Variants in MYO15A observed in about 807,000 individuals in gnomAD.
MYO15A encodes the protein myosin XVA, also known as unconventional myosin-XV.
Under a neutral mutation model 394.6 loss-of-function variants are expected in MYO15A, and 308 were observed. The observed-to-expected ratio is 0.78, with a 90% CI of 0.71 to 0.86. MYO15A has a LOEUF of 0.86. Ranked by LOEUF, MYO15A falls within the 40% of genes least tolerant of loss-of-function variation. MYO15A has a pLI of 0.00. For synonymous variants in MYO15A, 1,957 were observed against 2,003.8 expected (o/e 0.98, Z 0.62); for missense variants, 4,606 against 4,799.1 (o/e 0.96, Z 1.19).
chr17:18,121,368 C>G lies in MYO15A; in HGVS notation c.2568C>G (p.Ser856Arg), dbSNP rs926789052. ...CGCCGCCCCTGGGGCTCTGCCACAGCCCGCGGCGCAGCTCCCTGAATCTGC... is the reference window on the plus strand; with the variant it reads ...CGCCGCCCCTGGGGCTCTGCCACAGGCCGCGGCGCAGCTCCCTGAATCTGC... ...PPSPPLGLCH[S>R]PRRSSLNLPS... Residue 856 changes from serine to arginine, a missense_variant, in exon 2 of 66, where the codon AGC (serine) becomes AGG (arginine). Ser to Arg is a moderately radical substitution (Grantham distance 110). Around this residue, in one of 2 missense-constraint regions of MYO15A, gnomAD observed 1,830 missense variants for 1,689.7 expected, o/e 1.08. Coordinates refer to ENST00000647165, the MANE Select transcript of MYO15A (RefSeq NM_016239.4). The surrounding 1 kb of genome is among the most constrained non-coding windows in gnomAD (Gnocchi z 5.3). The G allele has an allele frequency of 4.0e-6, 6 of 1,499,044 alleles. No homozygotes were observed. In the African/African-American group the frequency reaches 8.6e-5, roughly 22 times the overall value. The allele number at this position is 1,499,044 out of a possible 1,614,324, so 92.9% of individuals were successfully genotyped here. A position where few individuals can be genotyped will look rare whatever the true frequency, so the allele number is the denominator to read the frequency against.
In MYO15A at chr17:18,157,180, G is replaced by A. The variant is rs778013941; in HGVS notation, c.8738G>A (p.Arg2913His). 2.2e-5 allele frequency: 35 copies of A among 1,610,198 alleles called. No homozygotes were observed. The highest frequency in any genetic ancestry group is 4.0e-5 in the African/African-American group (3 of 74,824). ...RVGYSAGCVV[R>H]RKVVYLEELR... Reference sequence around the variant, plus strand: ...GGCTACAGTGCTGGCTGCGTGGTTCGCAGGAAGGTGGTGTACCTGGAGGAG... The same window carrying A: ...GGCTACAGTGCTGGCTGCGTGGTTCACAGGAAGGTGGTGTACCTGGAGGAG... Residue 2913 changes from arginine to histidine, a missense_variant, in exon 50 of 66, where the codon CGC becomes CAC. This residue lies in a region of MYO15A where 2,776 missense variants were observed against 3,109.3 expected (regional missense o/e 0.89). Transcript: ENST00000647165.
Position 18,149,508 on chromosome 17 carries a change from T to C in MYO15A, c.7140T>C (p.Pro2380=). The change falls in exon 35 of 66, where the codon CCT becomes CCC. Residue 2380 remains proline (P), a synonymous_variant. Transcript: ENST00000647165. ...CAGAGTCAGACAGTCTTGGAGAGCC[T>C]GCTGTGCCCCACAAGGGGCTGGACT... ...THQESDSLGE[P]AVPHKGLDCY... is the part of the protein sequence containing the mutation. The C allele has an allele frequency of 1.2e-6, 2 of 1,614,186 alleles. No homozygotes were observed. The highest frequency in any genetic ancestry group is 1.1e-5 in the South Asian group (1 of 91,086).
chr17:18,125,029 G>T, intron 3 of MYO15A, 139 bp from the exon 4 acceptor site: 2 of 815,346 alleles, frequency 2.5e-6, no homozygotes. Context: ...ATTTGTCCAA[G>T]GTCTCCTAGC....
intron 64 of MYO15A, among the ~76,000 whole-genome samples, chr17:18,173,276 T>G (rs376166056): frequency 1.3e-5 from 2 of 152,210 alleles, no homozygotes; most frequent in African/African-American, 4.8e-5. Flanking sequence ...TGGTCCAAGT[T>G]TGCTTCCTGG....
chr17:18,175,931 C>G (rs1484803495), intron 65 of MYO15A, among the ~76,000 whole-genome samples: 2 of 152,144 alleles, frequency 1.3e-5, no homozygotes, highest in Non-Finnish European at 2.9e-5. Context: ...AGCTTGTTCT[C>G]CCTGCCCTGG....
chr17:18,173,744 C>G (rs1209019450), intron 64 of MYO15A, 37 bp from the exon 65 acceptor site: 3 of 1,613,438 alleles, frequency 1.9e-6, no homozygotes, highest in Non-Finnish European at 2.5e-6. Flanking sequence ...CTATCCTCGC[C>G]CACAGGCCTG....
At chr17:18,140,388 A>G (rs1597790942) in intron 19 of MYO15A, 129 bp from the exon 20 acceptor site, 2 of 1,306,146 alleles carry the variant, frequency 1.5e-6, no homozygotes, top group East Asian at 4.6e-5. Flanking sequence ...GAGGCCTTGC[A>G]GAGAGAACAG....
At position 18,159,353 on chromosome 17, in the gene MYO15A, G is replaced by A. The variant is rs768097327; in HGVS notation, c.9229+6G>A. 3 of 1,614,064 alleles carry A rather than the reference G, an allele frequency of 1.9e-6. No homozygotes were observed. The Admixed American group carries it at 5.0e-5, about 27-fold the overall frequency. On this transcript the variant is annotated splice_donor_region_variant and intron_variant, in intron 54 of 65. Coordinates refer to ENST00000647165, the MANE Select transcript of MYO15A (RefSeq NM_016239.4). ...GGCCACCGACATGTTCCTAGGTGTGGGAGTGGGACTGCAGCCAGGGCTCTG... is the reference window on the plus strand; with the variant it reads ...GGCCACCGACATGTTCCTAGGTGTGAGAGTGGGACTGCAGCCAGGGCTCTG...
intron 65 of MYO15A, 22 bp from the exon 66 acceptor site, chr17:18,178,747 G>A (rs374055788): frequency 9.3e-6 from 15 of 1,610,190 alleles, no homozygotes; most frequent in Non-Finnish European, 1.1e-5. Context: ...GGATGGGCGT[G>A]GACTGTCACT....
At chr17:18,163,864 C>CTCA in intron 60 of MYO15A, 26 bp downstream of exon 60, 1 of 1,606,632 alleles carries the variant, frequency 6.2e-7, no homozygotes, top group Non-Finnish European at 8.5e-7. Context: ...ACTGAGCATG[C>CTCA]TGGGCCCATT....
In MYO15A at chr17:18,137,568, C is replaced by T; in HGVS notation, c.4780-16C>T. The T allele has an allele frequency of 6.2e-7, 1 of 1,612,264 alleles. No individual in the cohort carries two copies. Among genetic ancestry groups the T allele is most frequent in the Non-Finnish European group, 8.5e-7 (1 of 1,179,336 alleles). ...CCAAGGAAGGACCAGTCCCAGCACC[C>T]CCATCCACCTGGCAGGACCTGAGCT... On this transcript the variant is annotated splice_polypyrimidine_tract_variant and intron_variant, in intron 15 of 65. Transcript: ENST00000647165.
At chr17:18,160,343 T>C (rs2046757234) in intron 56 of MYO15A, among the ~76,000 whole-genome samples, 2 of 152,202 alleles carry the variant, frequency 1.3e-5, no homozygotes, top group South Asian at 4.1e-4. Context: ...TCAGTGAGTA[T>C]GTGGCCTCAG....
chr17:18,121,762 G>T lies in MYO15A; in HGVS notation c.2962G>T (p.Val988Phe), dbSNP rs1355667624. 2 of 1,608,192 alleles carry T rather than the reference G, an allele frequency of 1.2e-6. No individual in the cohort carries two copies. Among genetic ancestry groups the T allele is most frequent in the South Asian group, 2.2e-5 (2 of 90,772 alleles). The change falls in exon 2 of 66, where the codon GTC (valine) becomes TTC (phenylalanine). Residue 988 changes from valine to phenylalanine, a missense_variant. Physicochemically the swap from Val to Phe is conservative, Grantham distance 50. Around this residue, in one of 2 missense-constraint regions of MYO15A, gnomAD observed 1,830 missense variants for 1,689.7 expected, o/e 1.08. Transcript: ENST00000647165. The surrounding 1 kb of genome is among the most constrained non-coding windows in gnomAD (Gnocchi z 5.3). Reference protein sequence around the residue: ...PEDPAADMTRVFLGRHHEPGP... With the variant: ...PEDPAADMTRFFLGRHHEPGP... ...GGATCCAGCTGCTGATATGACCAGG[G>T]TCTTCCTGGGCAGACACCATGAGCC...
chr17:18,131,622 G>T (rs1037033949), intron 10 of MYO15A, 91 bp downstream of exon 10: 1 of 1,464,362 alleles, frequency 6.8e-7, no homozygotes, highest in Non-Finnish European at 9.5e-7. Context: ...GGGCTAGGTA[G>T]ACGTCAAATT....
At position 18,122,418 on chromosome 17, in the gene MYO15A, G is replaced by A; in HGVS notation, c.3609+9G>A. The stretch of plus-strand genomic sequence containing the variant: ...CAAGCTGGCGGAACAAGGTATGGAG[G>A]CACAGATTACACGGAGGGTTTGAGG... On this transcript the variant is annotated intron_variant, in intron 2 of 65. Coordinates refer to ENST00000647165, the MANE Select transcript of MYO15A (RefSeq NM_016239.4). 1.9e-6 allele frequency: 3 copies of A among 1,610,882 alleles called. No homozygotes were observed. The highest frequency in any genetic ancestry group is 2.5e-6 in the Non-Finnish European group (3 of 1,179,220).
intron 64 of MYO15A, chr17:18,172,727 G>A (rs1597825837): frequency 3.0e-6 from 1 of 328,150 alleles, no homozygotes; most frequent in Non-Finnish European, 5.9e-6. Context: ...TCCTCTGTGT[G>A]CGCACAACCC....
intron 60 of MYO15A, chr17:18,164,831 G>C (rs1221100118): frequency 7.3e-5 from 3 of 41,140 alleles, no homozygotes; most frequent in African/African-American, 4.5e-4. Flanking sequence ...GACTCTATCT[G>C]CAAAAAAAAA....
intron 7 of MYO15A, among the ~76,000 whole-genome samples, chr17:18,128,161 T>C (rs1248292536): frequency 1.3e-5 from 2 of 151,794 alleles, no homozygotes; most frequent in Non-Finnish European, 1.5e-5. Context: ...TGTCGGAGGG[T>C]GACCCCAGAC....
rs767816220 is a variant in MYO15A, at chr17:18,141,115, C to T, written c.5503C>T (p.Arg1835Cys). ...VRIRKEGFPV[R>C]LPFQGFIDRY... ...GATCCGCAAGGAGGGATTTCCAGTGCGCCTGCCTTTCCAGGGGTTCATCGA... is the reference window on the plus strand; with the variant it reads ...GATCCGCAAGGAGGGATTTCCAGTGTGCCTGCCTTTCCAGGGGTTCATCGA... The change falls in exon 22 of 66, where the codon CGC becomes TGC. Residue 1835 changes from arginine to cysteine, a missense_variant. Transcript: ENST00000647165. 1.1e-5 allele frequency: 17 copies of T among 1,613,934 alleles called. No homozygotes were observed. Among genetic ancestry groups the T allele is most frequent in the Admixed American group, 6.7e-5 (4 of 60,026 alleles).
Sources: gnomAD v4.1 joint callset for allele counts (sites outside exome capture counted in the v4.1 genomes callset) on GRCh38, gnomAD v4.1.1 for gene constraint, gnomAD v4.1.1 regional missense constraint, Gnocchi (gnomAD v3.1) non-coding constraint, MANE v1.5 for transcripts, NCBI Gene and HGNC (gene_info 2026-07-23, HGNC 2026-07-21) for gene names.